Variants in NRIP3 observed in about 807,000 individuals in gnomAD.
The protein encoded by NRIP3 is nuclear receptor-interacting protein 3.
NRIP3 carries 31 observed loss-of-function variants against 29.0 expected under a neutral mutation model. The observed-to-expected ratio is 1.07, with a 90% CI of 0.80 to 1.44. NRIP3 has a LOEUF of 1.44. Among genes scored for constraint, NRIP3 ranks in the 40% most tolerant of loss-of-function variants. The pLI is 0.00. For synonymous variants in NRIP3, 131 were observed against 118.3 expected, an observed-to-expected ratio of 1.11 and a Z score of -0.70; for missense variants, 314 against 297.9, an observed-to-expected ratio of 1.05 and a Z score of -0.40.
intron 1 of NRIP3, among the ~76,000 whole-genome samples, chr11:9,002,620 G>GAAAAAAAAAAAAAAAAA (rs1555232137): frequency 8.8e-6 from 1 of 113,160 alleles, no homozygotes; most frequent in African/African-American, 3.4e-5. Flanking sequence ...AAAAAAAAAG[G>GAAAAAAAAAAAAAAAAA]AAATGGATGC....
rs1316081586 is a variant in NRIP3 at position 8,982,417 on chromosome 11, C to G, written c.*1128G>C. 2.0e-5 allele frequency: 3 copies of G among 152,758 alleles called. No individual in the cohort carries two copies. The highest frequency in any genetic ancestry group is 7.2e-5 in the African/African-American group (3 of 41,442). 9.5% of individuals were successfully genotyped at this position (152,758 alleles called of 1,614,324 possible). Reference sequence around the variant, plus strand: ...GGCCTCTCCACCAACTGATTCTACTCAGTCTACTCCCTTCTATTCTGGCCT... The same window carrying G: ...GGCCTCTCCACCAACTGATTCTACTGAGTCTACTCCCTTCTATTCTGGCCT... On this transcript the variant is annotated 3_prime_UTR_variant, in exon 7 of 7. Coordinates refer to ENST00000309166, the MANE Select transcript of NRIP3 (RefSeq NM_020645.3).
chr11:8,982,764 A>C lies in NRIP3; in HGVS notation c.*781T>G, dbSNP rs540098414. Reference sequence around the variant, plus strand: ...GGAACTTTTACTGGGCTTGGCACACAGGAGGGAGAGCTACCCAAATCATCC... The same window carrying C: ...GGAACTTTTACTGGGCTTGGCACACCGGAGGGAGAGCTACCCAAATCATCC... On this transcript the variant is annotated 3_prime_UTR_variant, in exon 7 of 7. Transcript: ENST00000309166. 1.4e-4 allele frequency: 43 copies of C among 299,484 alleles called. No individual in the cohort carries two copies. Among genetic ancestry groups the C allele is most frequent in the South Asian group, 1.2e-3 (41 of 33,694 alleles). 18.6% of individuals were successfully genotyped at this position (299,484 alleles called of 1,614,324 possible).
In NRIP3 at chr11:8,984,084, G is replaced by A. The variant is rs1589957702; in HGVS notation, c.603C>T (p.Leu201=). The change falls in exon 5 of 7, where the codon CTC becomes CTT. Residue 201 remains leucine (L), a synonymous_variant. Coordinates refer to ENST00000309166, the MANE Select transcript of NRIP3 (RefSeq NM_020645.3). ...GAGTCAATCTTACCTTCAGAGATCGGAGAGTCTGTAGACCAAGGGACAAGT... is the reference window on the plus strand; with the variant it reads ...GAGTCAATCTTACCTTCAGAGATCGAAGAGTCTGTAGACCAAGGGACAAGT... ...EKNLSLGLQT[L]RSLKCIINLD... 1.2e-6 allele frequency: 2 copies of A among 1,612,972 alleles called. No homozygotes were observed. Among genetic ancestry groups the A allele is most frequent in the East Asian group, 4.5e-5 (2 of 44,868 alleles).
intron 1 of NRIP3, among the ~76,000 whole-genome samples, chr11:8,999,004 C>T (rs891394321): frequency 5.9e-5 from 9 of 151,914 alleles, no homozygotes; most frequent in South Asian, 2.1e-4. Context: ...GGGGTTTCAC[C>T]GTGTTTGCCA....
chr11:8,990,380 T>C (rs1318807222), intron 1 of NRIP3, among the ~76,000 whole-genome samples: 1 of 152,258 alleles, frequency 6.6e-6, no homozygotes, highest in Non-Finnish European at 1.5e-5. Flanking sequence ...TTACCAGACT[T>C]TTCTAGTGCA....
intron 1 of NRIP3, among the ~76,000 whole-genome samples, chr11:9,003,049 G>A (rs1317124823): frequency 6.6e-6 from 1 of 152,166 alleles, no homozygotes; most frequent in African/African-American, 2.4e-5. Flanking sequence ...GAACAACTGT[G>A]CTAGAAAAAA....
At chr11:9,002,129 AG>A (rs1854813278) in intron 1 of NRIP3, among the ~76,000 whole-genome samples, 1 of 152,172 alleles carries the variant, frequency 6.6e-6, no homozygotes, top group Admixed American at 6.5e-5. Context: ...TCTCAGGGCT[AG>A]GAAACTCCTC....
intron 1 of NRIP3, 111 bp downstream of exon 1, chr11:9,003,651 G>T: frequency 9.0e-7 from 1 of 1,107,786 alleles, no homozygotes; most frequent in Non-Finnish European, 1.2e-6. Context: ...CGCGAGCCAA[G>T]GGCAGCGGCG....
intron 1 of NRIP3, among the ~76,000 whole-genome samples, chr11:8,997,112 C>A (rs1245250866): frequency 6.6e-6 from 1 of 151,948 alleles, no homozygotes; most frequent in Non-Finnish European, 1.5e-5. Context: ...CACAGTGGCT[C>A]ATGCCTGTAA....
Position 8,982,258 on chromosome 11 carries a change from G to T in NRIP3, c.*1287C>A, listed in dbSNP as rs1396220254. 1 of 152,228 alleles carries T rather than the reference G, an allele frequency of 6.6e-6. No individual in the cohort carries two copies. Among genetic ancestry groups the T allele is most frequent in the Non-Finnish European group, 1.5e-5 (1 of 68,062 alleles). 9.4% of individuals were successfully genotyped at this position (152,228 alleles called of 1,614,324 possible). A position where few individuals can be genotyped will look rare whatever the true frequency, so the allele number is the denominator to read the frequency against. On this transcript the variant is annotated 3_prime_UTR_variant, in exon 7 of 7. Coordinates refer to ENST00000309166, the MANE Select transcript of NRIP3 (RefSeq NM_020645.3). ...TTTGACAGGGGTCAGGAAATACTGG[G>T]CAGTTATAAAAAGTTGTCCTTAACA...
chr11:9,004,302 C>G (rs1034338575), upstream of NRIP3: 3 of 172,294 alleles, frequency 1.7e-5, no homozygotes, highest in Admixed American at 1.3e-4. Context: ...GCCCGATGCC[C>G]TGGCAGCCCC....
At position 8,987,608 on chromosome 11, in the gene NRIP3, G is replaced by A. The variant is rs1475547564; in HGVS notation, c.362C>T (p.Ala121Val). Reference sequence around the variant, plus strand: ...ATATAGGCAGCCTGTGTCAACCAAGGCTTTCACATCCTTTCCAGCACACTG... The same window carrying A: ...ATATAGGCAGCCTGTGTCAACCAAGACTTTCACATCCTTTCCAGCACACTG... Reference protein sequence around the residue: ...SCQCAGKDVKALVDTGCLYNL... With the variant: ...SCQCAGKDVKVLVDTGCLYNL... Residue 121 changes from alanine to valine, a missense_variant, in exon 3 of 7, where the codon GCC becomes GTC. Physicochemically the swap from Ala to Val is moderately conservative, Grantham distance 64 (BLOSUM62 0). Coordinates refer to ENST00000309166, the MANE Select transcript of NRIP3 (RefSeq NM_020645.3). The A allele has an allele frequency of 2.5e-6, 4 of 1,613,994 alleles. No homozygotes were observed. The highest frequency in any genetic ancestry group is 1.1e-5 in the South Asian group (1 of 91,084).
In NRIP3 at chr11:8,983,188, A is replaced by T. The variant is rs913866630; in HGVS notation, c.*357T>A. 62 of 416,976 alleles carry T rather than the reference A, an allele frequency of 1.5e-4. No individual in the cohort carries two copies. The highest frequency in any genetic ancestry group is 9.2e-4 in the South Asian group (40 of 43,710). 25.8% of individuals were successfully genotyped at this position (416,976 alleles called of 1,614,324 possible). On this transcript the variant is annotated 3_prime_UTR_variant, in exon 7 of 7. Coordinates refer to ENST00000309166, the MANE Select transcript of NRIP3 (RefSeq NM_020645.3). The stretch of plus-strand genomic sequence containing the variant: ...GTTTATTATACATTTAGCTATAGGA[A>T]AAGAAGCACATATATCTATGGAGAC...
At chr11:9,003,717 C>T (rs998629704) in intron 1 of NRIP3, 45 bp downstream of exon 1, 3 of 1,360,100 alleles carry the variant, frequency 2.2e-6, no homozygotes, top group African/African-American at 1.5e-5. Flanking sequence ...AAACGGCGGG[C>T]GCGAAGCCGC....
At chr11:8,992,381 T>C (rs1854620981) in intron 1 of NRIP3, among the ~76,000 whole-genome samples, 1 of 152,116 alleles carries the variant, frequency 6.6e-6, no homozygotes, top group Non-Finnish European at 1.5e-5. Flanking sequence ...AAGCCAGAAC[T>C]GAAGGACATG....
rs901922805 is a variant in NRIP3 at position 8,980,610 on chromosome 11, T to C, written c.*2935A>G. ...AGATTTCACTTTATTGTTACATCAG[T>C]CTCACAAATGAACCCAACACAGCCA... On this transcript the variant is annotated 3_prime_UTR_variant, in exon 7 of 7. Transcript: ENST00000309166. The C allele has an allele frequency of 6.6e-6, 1 of 152,122 alleles. No individual in the cohort carries two copies. Among genetic ancestry groups the C allele is most frequent in the African/African-American group, 2.4e-5 (1 of 41,418 alleles). 9.4% of individuals were successfully genotyped at this position (152,122 alleles called of 1,614,324 possible). A position where few individuals can be genotyped will look rare whatever the true frequency, so the allele number is the denominator to read the frequency against.
intron 2 of NRIP3, 88 bp downstream of exon 2, chr11:8,988,030 T>G: frequency 2.5e-5 from 32 of 1,273,586 alleles, no homozygotes; most frequent in Non-Finnish European, 3.2e-5. Context: ...ATGAATTCCA[T>G]GAGACCCACA....
At chr11:9,003,107 A>G (rs2134935377) in intron 1 of NRIP3, among the ~76,000 whole-genome samples, 1 of 152,290 alleles carries the variant, frequency 6.6e-6, no homozygotes, top group South Asian at 2.1e-4. Context: ...CTGGTCGGTG[A>G]GATGCAGCAG....
rs146435976 is a variant in NRIP3 at position 8,987,354 on chromosome 11, A to G, written c.422+194T>C. Among the ~76,000 whole-genome samples the G allele has an allele frequency of 1.8e-3, 269 of 152,264 alleles. 2 individuals are homozygous for G. The highest frequency in any genetic ancestry group is 4.6e-3 in the South Asian group (22 of 4,822). Reference sequence around the variant, plus strand: ...CAGAAAGCCAAAGGTTTCCCTGCTCACTGATTTCTCCCACTTGCCGGATAA... The same window carrying G: ...CAGAAAGCCAAAGGTTTCCCTGCTCGCTGATTTCTCCCACTTGCCGGATAA... On this transcript the variant is annotated intron_variant, in intron 3 of 6. Coordinates refer to ENST00000309166, the MANE Select transcript of NRIP3 (RefSeq NM_020645.3).
Sources: gnomAD v4.1 joint callset for allele counts (sites outside exome capture counted in the v4.1 genomes callset) on GRCh38, gnomAD v4.1.1 for gene constraint, MANE v1.5 for transcripts, NCBI Gene and HGNC (gene_info 2026-07-23, HGNC 2026-07-21) for gene names.